PATE2: variants seen among roughly 807,000 people sequenced by gnomAD.
PATE2 encodes the protein prostate and testis expressed 2.
PATE2 carries 7 observed loss-of-function variants against 10.5 expected under a neutral mutation model. The observed-to-expected ratio is 0.66, with a 90% CI of 0.38 to 1.25. The LOEUF (loss-of-function observed/expected upper bound fraction) is 1.25. Ranked by LOEUF, PATE2 falls within the 50% of genes most tolerant of loss-of-function variation. The probability of loss-of-function intolerance (pLI) is 0.02; values close to 1 mark genes in which losing one functional copy is unlikely to be tolerated. For missense variants in PATE2, 133 were observed against 135.4 expected (o/e 0.98, Z 0.09); for synonymous variants, 44 against 46.9 (o/e 0.94, Z 0.25).
Position 125,777,338 on chromosome 11 carries a change from C to G in PATE2, c.*44G>C, listed in dbSNP as rs770957125. On this transcript the variant is annotated 3_prime_UTR_variant, in exon 4 of 4. Transcript: ENST00000358524. ...TCAGGTTCAGGGAAGAGAAAAAGAG[C>G]GTAGTGGTTGAAAAAGAACCCAAAA... 8 of 1,598,974 alleles carry G rather than the reference C, an allele frequency of 5.0e-6. No individual in the cohort carries two copies. Among genetic ancestry groups the G allele is most frequent in the Non-Finnish European group, 6.8e-6 (8 of 1,168,486 alleles).
chr11:125,777,271 C>A lies in PATE2; in HGVS notation c.*111G>T. On this transcript the variant is annotated 3_prime_UTR_variant, in exon 4 of 4. Transcript: ENST00000358524. ...TGCTTGTCTTTTCACTATGAGCTGGCTTTCTCACTCTCTACCAATGCATAG... is the reference window on the plus strand; with the variant it reads ...TGCTTGTCTTTTCACTATGAGCTGGATTTCTCACTCTCTACCAATGCATAG... 1 of 1,325,096 alleles carries A rather than the reference C, an allele frequency of 7.5e-7. No individual in the cohort carries two copies. The highest frequency in any genetic ancestry group is 1.0e-6 in the Non-Finnish European group (1 of 961,992). 82.1% of individuals were successfully genotyped at this position (1,325,096 alleles called of 1,614,324 possible).
In PATE2 at chr11:125,776,706, C is replaced by A. The variant is rs1464872586; in HGVS notation, c.*676G>T. On this transcript the variant is annotated 3_prime_UTR_variant, in exon 4 of 4. Transcript: ENST00000358524. ...AACCATGTGCCCAAGGCTGCCTGGC[C>A]AGCCAGGGCAATGATAATTCAAGCC... 1 of 152,216 alleles carries A rather than the reference C, an allele frequency of 6.6e-6. No individual in the cohort carries two copies. The highest frequency in any genetic ancestry group is 2.4e-5 in the African/African-American group (1 of 41,454). The allele number at this position is 152,216 out of a possible 1,614,324, so 9.4% of individuals were successfully genotyped here. A position where few individuals can be genotyped will look rare whatever the true frequency, so the allele number is the denominator to read the frequency against.
rs1943494242 is a variant in PATE2 at position 125,777,340 on chromosome 11, T to C, written c.*42A>G. On this transcript the variant is annotated 3_prime_UTR_variant, in exon 4 of 4. Transcript: ENST00000358524. ...AGGTTCAGGGAAGAGAAAAAGAGCG[T>C]AGTGGTTGAAAAAGAACCCAAAATC... The C allele has an allele frequency of 1.2e-6, 2 of 1,601,752 alleles. No homozygotes were observed. Among genetic ancestry groups the C allele is most frequent in the African/African-American group, 2.7e-5 (2 of 74,562 alleles).
Position 125,777,527 on chromosome 11 carries a change from G to C in PATE2, c.206-9C>G, listed in dbSNP as rs754746516. ...ATGATACATGCTCTGCCCTGAGGAG[G>C]TAAAAGAGAGGAAATATGATCATAA... On this transcript the variant is annotated splice_polypyrimidine_tract_variant and intron_variant, in intron 3 of 3. Coordinates refer to ENST00000358524, the MANE Select transcript of PATE2 (RefSeq NM_212555.3). 41 of 1,613,288 alleles carry C rather than the reference G, an allele frequency of 2.5e-5. No individual in the cohort carries two copies. The highest frequency in any genetic ancestry group is 3.5e-5 in the Non-Finnish European group (41 of 1,179,544).
chr11:125,777,176 A>G lies in PATE2; in HGVS notation c.*206T>C. ...CCCCTCCCACCTGTTAGCGACAGGG[A>G]TGTGCAAAGAGTGAGTCTAGTGCTC... On this transcript the variant is annotated 3_prime_UTR_variant, in exon 4 of 4. Transcript: ENST00000358524. The G allele has an allele frequency of 1.9e-6, 1 of 524,858 alleles. No homozygotes were observed. The highest frequency in any genetic ancestry group is 3.0e-5 in the East Asian group (1 of 33,054). The allele number at this position is 524,858 out of a possible 1,614,324, so 32.5% of individuals were successfully genotyped here.
At chr11:125,778,466 C>T (rs1943508000) in intron 2 of PATE2, 86 bp downstream of exon 2, 4 of 1,408,636 alleles carry the variant, frequency 2.8e-6, no homozygotes, top group East Asian at 2.3e-5. Flanking sequence ...GATTACAGGC[C>T]TCTCTGAAGA....
Position 125,777,014 on chromosome 11 carries a change from G to C in PATE2, c.*368C>G. 1 of 163,520 alleles carries C rather than the reference G, an allele frequency of 6.1e-6. No homozygotes were observed. 10.1% of individuals were successfully genotyped at this position (163,520 alleles called of 1,614,324 possible). ...AACGGAGAGGAGTGTGTGTGTAGAT[G>C]AGGATAGAGGATAGTCACAGAATTC... is the stretch of plus-strand genomic sequence containing the variant. On this transcript the variant is annotated 3_prime_UTR_variant, in exon 4 of 4. Transcript: ENST00000358524.
chr11:125,778,321 C>T (rs517463), intron 2 of PATE2, among the ~76,000 whole-genome samples: 115,815 of 151,972 alleles, frequency 0.76, 44,215 homozygotes, highest in East Asian at 0.82. Flanking sequence ...CAGTAATGAA[C>T]CCCTTATCTA....
intron 3 of PATE2, 56 bp from the exon 4 acceptor site, chr11:125,777,574 C>A (rs1040449905): frequency 6.3e-7 from 1 of 1,599,906 alleles, no homozygotes; most frequent in Non-Finnish European, 8.5e-7. Flanking sequence ...CCTTTTACTG[C>A]GTTCCTAGGA....
chr11:125,778,664 C>T, intron 1 of PATE2, 58 bp downstream of exon 1: 1 of 1,612,424 alleles, frequency 6.2e-7, no homozygotes, highest in South Asian at 1.1e-5. Context: ...TTCTCTTCCC[C>T]CAGCATCTGT....
At position 125,776,473 on chromosome 11, in the gene PATE2, C is replaced by T. The variant is rs904116070; in HGVS notation, c.*909G>A. 6.6e-6 allele frequency: 1 copy of T among 152,330 alleles called. No individual in the cohort carries two copies. The highest frequency in any genetic ancestry group is 1.5e-5 in the Non-Finnish European group (1 of 68,114). The allele number at this position is 152,330 out of a possible 1,614,324, so 9.4% of individuals were successfully genotyped here. A position where few individuals can be genotyped will look rare whatever the true frequency, so the allele number is the denominator to read the frequency against. On this transcript the variant is annotated 3_prime_UTR_variant, in exon 4 of 4. Coordinates refer to ENST00000358524, the MANE Select transcript of PATE2 (RefSeq NM_212555.3). ...ACTGTTACCCATATATGCTACCTTTCTCACACTTTCTGCAAACTCATAACT... is the reference window on the plus strand; with the variant it reads ...ACTGTTACCCATATATGCTACCTTTTTCACACTTTCTGCAAACTCATAACT...
chr11:125,777,922 G>A lies in PATE2; in HGVS notation c.157C>T (p.His53Tyr). 6.2e-7 allele frequency: 1 copy of A among 1,613,342 alleles called. No individual in the cohort carries two copies. Among genetic ancestry groups the A allele is most frequent in the Non-Finnish European group, 8.5e-7 (1 of 1,179,526 alleles). ...YGVMTSCSLK[H>Y]KQSCAVENFY... ...TTCTCAACTGCACAGGACTGTTTAT[G>A]CTTCAGGGAGCAGGATGTCATGACA... is the stretch of plus-strand genomic sequence containing the variant. The change falls in exon 3 of 4, where the codon CAT becomes TAT. Residue 53 changes from histidine (H) to tyrosine (Y), a missense_variant. Coordinates refer to ENST00000358524, the MANE Select transcript of PATE2 (RefSeq NM_212555.3).
rs559317091 is a variant in PATE2, at chr11:125,777,160, C to T, written c.*222G>A. 4.1e-6 allele frequency: 2 copies of T among 487,742 alleles called. No homozygotes were observed. The highest frequency in any genetic ancestry group is 7.5e-5 in the South Asian group (2 of 26,692). The allele number at this position is 487,742 out of a possible 1,614,324, so 30.2% of individuals were successfully genotyped here. A position where few individuals can be genotyped will look rare whatever the true frequency, so the allele number is the denominator to read the frequency against. On this transcript the variant is annotated 3_prime_UTR_variant, in exon 4 of 4. Transcript: ENST00000358524. ...CGTAAGGAGAGCAAAACCCCTCCCACCTGTTAGCGACAGGGATGTGCAAAG... is the reference window on the plus strand; with the variant it reads ...CGTAAGGAGAGCAAAACCCCTCCCATCTGTTAGCGACAGGGATGTGCAAAG...
rs370743875 is a variant in PATE2 at position 125,777,889 on chromosome 11, T to A, written c.190A>T (p.Ile64Phe). Residue 64 changes from isoleucine (I) to phenylalanine (F), a missense_variant, in exon 3 of 4, where the codon ATC (isoleucine) becomes TTC (phenylalanine). Transcript: ENST00000358524. ...KQSCAVENFY[I>F]LTRKGQSMYH... ...TCCACATTACCTTTCCTTGTAAGGATGTAAAAGTTCTCAACTGCACAGGAC... is the reference window on the plus strand; with the variant it reads ...TCCACATTACCTTTCCTTGTAAGGAAGTAAAAGTTCTCAACTGCACAGGAC... 2 of 1,613,326 alleles carry A rather than the reference T, an allele frequency of 1.2e-6. No individual in the cohort carries two copies. The highest frequency in any genetic ancestry group is 8.5e-7 in the Non-Finnish European group (1 of 1,179,584).
rs1238041207 is a variant in PATE2 at position 125,777,820 on chromosome 11, T to G, written c.205+54A>C. The G allele has an allele frequency of 1.4e-5, 22 of 1,594,752 alleles. No homozygotes were observed. The East Asian group carries it at 3.4e-4, about 24-fold the overall frequency. ...CACGCTGAGGGCAAAAGAACACTAC[T>G]GTTTCTCAGGGATGGTGGTGGTGAT... On this transcript the variant is annotated intron_variant, in intron 3 of 3. Coordinates refer to ENST00000358524, the MANE Select transcript of PATE2 (RefSeq NM_212555.3).
intron 2 of PATE2, 133 bp downstream of exon 2, chr11:125,778,419 C>T: frequency 1.0e-6 from 1 of 973,406 alleles, no homozygotes; most frequent in Non-Finnish European, 1.6e-6. Context: ...ACAGGTCTGG[C>T]AGGAGGCGAA....
In PATE2 at chr11:125,778,810, G is replaced by A; in HGVS notation, c.-37C>T. 6.2e-7 allele frequency: 1 copy of A among 1,608,870 alleles called. No individual in the cohort carries two copies. The highest frequency in any genetic ancestry group is 8.5e-7 in the Non-Finnish European group (1 of 1,175,992). On this transcript the variant is annotated 5_prime_UTR_variant, in exon 1 of 4. Transcript: ENST00000358524. ...TGTCAGGTGCAGCTTCCTGTGGAAG[G>A]AGCAAGTTGTTCTCTTGTGATCTGT...
rs906955528 is a variant in PATE2 at position 125,778,433 on chromosome 11, C to A, written c.76+119G>T. ...AACAGGTCTGGCAGGAGGCGAAACCCCTAGGATTCTATAATAAGAATGGAT... is the reference window on the plus strand; with the variant it reads ...AACAGGTCTGGCAGGAGGCGAAACCACTAGGATTCTATAATAAGAATGGAT... On this transcript the variant is annotated intron_variant, in intron 2 of 3. Transcript: ENST00000358524. The A allele has an allele frequency of 7.8e-6, 9 of 1,147,564 alleles. No individual in the cohort carries two copies. In the Admixed American group the frequency reaches 1.0e-4, roughly 13 times the overall value. The allele number at this position is 1,147,564 out of a possible 1,614,324, so 71.1% of individuals were successfully genotyped here.
Position 125,777,804 on chromosome 11 carries a change from G to A in PATE2, c.205+70C>T, listed in dbSNP as rs1374852275. The A allele has an allele frequency of 3.8e-6, 6 of 1,565,834 alleles. No individual in the cohort carries two copies. The African/African-American group carries it at 5.4e-5, about 14-fold the overall frequency. On this transcript the variant is annotated intron_variant, in intron 3 of 3. Coordinates refer to ENST00000358524, the MANE Select transcript of PATE2 (RefSeq NM_212555.3). The stretch of plus-strand genomic sequence containing the variant: ...ATCCCATTCACCTACTCACGCTGAG[G>A]GCAAAAGAACACTACTGTTTCTCAG...
Sources: allele counts gnomAD v4.1 joint callset (sites outside exome capture counted in the v4.1 genomes callset), GRCh38; gene constraint gnomAD v4.1.1; transcripts MANE v1.5; gene names NCBI Gene and HGNC (gene_info 2026-07-23, HGNC 2026-07-21).